Variants in PHF20 observed in about 807,000 individuals in gnomAD.
PHF20 encodes glioma-expressed antigen 2.
PHF20 carries 23 observed loss-of-function variants against 113.5 expected under a neutral mutation model. That is an observed-to-expected ratio of 0.20 (90% CI 0.15 to 0.29). PHF20 has a LOEUF of 0.29. Among genes scored for constraint, PHF20 ranks in the 10% least tolerant of loss-of-function variants. The pLI is 1.00. For synonymous variants in PHF20, 434 were observed against 457.3 expected (o/e 0.95, Z 0.65); for missense variants, 943 against 1,219.6 (o/e 0.77, Z 3.38).
At chr20:35,855,284 C>A (rs768780469) in intron 4 of PHF20, 4 of 1,334,128 alleles carry the variant, frequency 3.0e-6, no homozygotes, top group African/African-American at 1.5e-5. Flanking sequence ...GGAACCCAGA[C>A]CTTTGTTGTA....
chr20:35,858,491 C>A, intron 5 of PHF20, 110 bp downstream of exon 5: 1 of 581,844 alleles, frequency 1.7e-6, no homozygotes, highest in Non-Finnish European at 3.0e-6. Flanking sequence ...TTTATTTCCT[C>A]CATCTGACAC....
At chr20:35,873,466 GTT>G (rs759056358) in intron 9 of PHF20, among the ~76,000 whole-genome samples, 1,572 of 82,330 alleles carry the variant, frequency 0.019, 21 homozygotes, top group African/African-American at 0.066. Context: ...CTGTTTTTTT[GTT>G]TTTTTTTTTT....
At chr20:35,842,492 G>T in intron 2 of PHF20, 81 bp from the exon 3 acceptor site, 1 of 1,284,322 alleles carries the variant, frequency 7.8e-7, no homozygotes, top group South Asian at 1.4e-5. Context: ...TTGGGAAGAG[G>T]TTTGGAAATG....
intron 15 of PHF20, among the ~76,000 whole-genome samples, chr20:35,933,723 G>A (rs570343407): frequency 6.6e-6 from 1 of 152,190 alleles, no homozygotes; most frequent in South Asian, 2.1e-4. Context: ...AGTAGAGATG[G>A]GGTTTCACCA....
intron 2 of PHF20, among the ~76,000 whole-genome samples, chr20:35,839,920 G>A (rs1009020220): frequency 2.0e-5 from 3 of 152,166 alleles, no homozygotes; most frequent in Non-Finnish European, 4.4e-5. Flanking sequence ...AAGAGGAGTG[G>A]AATTCATTTG....
At chr20:35,869,098 A>G (rs1252496084) in intron 6 of PHF20, among the ~76,000 whole-genome samples, 1 of 152,024 alleles carries the variant, frequency 6.6e-6, no homozygotes, top group Non-Finnish European at 1.5e-5. Flanking sequence ...CTCAAAAAAA[A>G]AAAATCCACA....
intron 2 of PHF20, among the ~76,000 whole-genome samples, chr20:35,806,752 C>A (rs972475933): frequency 1.3e-5 from 2 of 149,480 alleles, no homozygotes; most frequent in African/African-American, 4.9e-5. Context: ...TCTGGTAAGA[C>A]AGGTTTTATT....
chr20:35,873,147 G>T (rs1475029928), intron 9 of PHF20, among the ~76,000 whole-genome samples: 1 of 151,136 alleles, frequency 6.6e-6, no homozygotes, highest in Admixed American at 6.6e-5. Flanking sequence ...TGTCACACAG[G>T]CTGGAGTGCA....
intron 10 of PHF20, among the ~76,000 whole-genome samples, chr20:35,912,837 C>T (rs2055332079): frequency 6.6e-6 from 1 of 152,112 alleles, no homozygotes; most frequent in Admixed American, 6.6e-5. Context: ...CAACAAAAAT[C>T]AGATCCCCAG....
chr20:35,934,754 G>A (rs1460780326), intron 15 of PHF20, among the ~76,000 whole-genome samples: 2 of 152,196 alleles, frequency 1.3e-5, no homozygotes, highest in Non-Finnish European at 2.9e-5. Flanking sequence ...GATAAAAGGA[G>A]GAGAGGTTGG....
chr20:35,895,917 C>T (rs958417727), intron 9 of PHF20, among the ~76,000 whole-genome samples: 12 of 152,004 alleles, frequency 7.9e-5, no homozygotes, highest in South Asian at 2.1e-4. Flanking sequence ...GAATTCCCGA[C>T]GTCATATGAT....
intron 9 of PHF20, among the ~76,000 whole-genome samples, chr20:35,883,132 C>G (rs2054665209): frequency 6.6e-6 from 1 of 151,962 alleles, no homozygotes; most frequent in African/African-American, 2.4e-5. Context: ...GAGGATCTCT[C>G]TAAGCCCAGG....
intron 2 of PHF20, among the ~76,000 whole-genome samples, chr20:35,816,345 C>A (rs2042073367): frequency 6.6e-6 from 1 of 152,010 alleles, no homozygotes; most frequent in Non-Finnish European, 1.5e-5. Flanking sequence ...ATCAATATTA[C>A]TATTAACAAG....
chr20:35,939,852 G>A (rs958161170), intron 16 of PHF20, among the ~76,000 whole-genome samples: 1 of 152,102 alleles, frequency 6.6e-6, no homozygotes, highest in Admixed American at 6.5e-5. Flanking sequence ...GGTGCCAAGG[G>A]GATCCTAGAT....
At chr20:35,849,454 G>A in intron 4 of PHF20, 1 of 471,290 alleles carries the variant, frequency 2.1e-6, no homozygotes, top group East Asian at 6.9e-5. Flanking sequence ...ACCAGGAGGA[G>A]GCAGGGCAGG....
intron 2 of PHF20, among the ~76,000 whole-genome samples, chr20:35,823,373 G>A (rs1247190287): frequency 6.6e-6 from 1 of 151,182 alleles, no homozygotes; most frequent in Non-Finnish European, 1.5e-5. Flanking sequence ...GGACAACGTG[G>A]GAGGATTGCT....
chr20:35,940,505 G>A (rs1470957907), intron 16 of PHF20, among the ~76,000 whole-genome samples: 1 of 151,818 alleles, frequency 6.6e-6, no homozygotes, highest in Non-Finnish European at 1.5e-5. Context: ...ATGGAGCTGA[G>A]ACTTGAAACG....
At chr20:35,824,491 C>T (rs1476818237) in intron 2 of PHF20, among the ~76,000 whole-genome samples, 3 of 151,684 alleles carry the variant, frequency 2.0e-5, no homozygotes, top group Admixed American at 1.3e-4. Context: ...CCTGTAGTCC[C>T]AGCTACTCGG....
At chr20:35,873,903 C>T (rs992721312) in intron 9 of PHF20, among the ~76,000 whole-genome samples, 4 of 152,148 alleles carry the variant, frequency 2.6e-5, no homozygotes, top group African/African-American at 7.2e-5. Flanking sequence ...TTCCATTAAC[C>T]TCCCCCATGT....
Sources: gnomAD v4.1 joint callset for allele counts (sites outside exome capture counted in the v4.1 genomes callset) on GRCh38, gnomAD v4.1.1 for gene constraint, MANE v1.5 for transcripts, NCBI Gene and HGNC (gene_info 2026-07-23, HGNC 2026-07-21) for gene names.